The following SLC9C1 variants were observed in gnomAD, a reference collection of about 807,000 sequenced individuals.
The protein encoded by SLC9C1 is solute carrier family 9 member C1, also known as sodium/hydrogen exchanger 10.
A neutral mutation model predicts 140.9 loss-of-function variants in SLC9C1; 97 were observed. That is an observed-to-expected ratio of 0.69 (90% confidence interval 0.58 to 0.82). SLC9C1 has a LOEUF of 0.82. Ranked by LOEUF, SLC9C1 falls within the 40% of genes least tolerant of loss-of-function variation. The pLI, the probability that SLC9C1 is intolerant of heterozygous loss-of-function variation, is 0.00. For missense variants in SLC9C1, 1,340 were observed against 1,389.3 expected, an observed-to-expected ratio of 0.96 and a Z score of 0.56; for synonymous variants, 440 against 442.6, an observed-to-expected ratio of 0.99 and a Z score of 0.07.
chr3:112,151,329 T>A, intron 28 of SLC9C1: 1 of 518,964 alleles, frequency 1.9e-6, no homozygotes, highest in Non-Finnish European at 3.8e-6. Flanking sequence ...TGCTTTCTTT[T>A]ATCCTCTCTT....
chr3:112,166,613 T>G (rs1236741348), intron 26 of SLC9C1, among the ~76,000 whole-genome samples: 1 of 152,174 alleles, frequency 6.6e-6, no homozygotes, highest in Non-Finnish European at 1.5e-5. Flanking sequence ...TAAAATTGAT[T>G]TCTATATTTC....
intron 23 of SLC9C1, among the ~76,000 whole-genome samples, chr3:112,171,809 G>A (rs1047126407): frequency 2.6e-5 from 4 of 152,256 alleles, no homozygotes; most frequent in East Asian, 1.9e-4. Context: ...GGGGATCAAG[G>A]TTCATTGCTT....
intron 20 of SLC9C1, among the ~76,000 whole-genome samples, chr3:112,190,928 A>ACACAC (rs2077645320): frequency 7.2e-6 from 1 of 138,794 alleles, no homozygotes; most frequent in Admixed American, 7.1e-5. Flanking sequence ...ACTTTTTTTA[A>ACACAC]ACACACACAC....
intron 8 of SLC9C1, among the ~76,000 whole-genome samples, chr3:112,265,296 G>C (rs1553702525): frequency 6.6e-6 from 1 of 152,006 alleles, no homozygotes; most frequent in Non-Finnish European, 1.5e-5. Context: ...GGAGCAAGAA[G>C]GGGAGGAAAA....
chr3:112,211,834 T>C (rs1449919951), intron 15 of SLC9C1, among the ~76,000 whole-genome samples: 2 of 152,224 alleles, frequency 1.3e-5, no homozygotes, highest in Non-Finnish European at 2.9e-5. Context: ...TAAATGTCCC[T>C]GCCTGACAGC....
chr3:112,204,132 C>T (rs1221493488), intron 17 of SLC9C1, 86 bp downstream of exon 17: 5 of 1,292,214 alleles, frequency 3.9e-6, no homozygotes, highest in South Asian at 4.3e-5. Flanking sequence ...AATATGTTAA[C>T]CATAAAACTA....
chr3:112,240,826 G>A (rs1169309368), intron 11 of SLC9C1, among the ~76,000 whole-genome samples: 1 of 152,170 alleles, frequency 6.6e-6, no homozygotes, highest in Admixed American at 6.5e-5. Flanking sequence ...TTTAGCACCT[G>A]TTGTGTTTTC....
rs867296641 is a variant in SLC9C1, at chr3:112,208,285, G to A, written c.1879C>T (p.Pro627Ser). The stretch of plus-strand genomic sequence containing the variant: ...TGGGATATCCAAGAGATTATAAAGG[G>A]AAATATATTCATTAATATCACAAGG... ...GYLVILMNIF[P>S]FIISWISQLN... Residue 627 changes from proline to serine, a missense_variant, in exon 16 of 29, where the codon CCC (proline) becomes TCC (serine). Pro to Ser is a moderately conservative substitution (Grantham distance 74). Coordinates refer to ENST00000305815, the MANE Select transcript of SLC9C1 (RefSeq NM_183061.3). 6 of 1,609,948 alleles carry A rather than the reference G, an allele frequency of 3.7e-6. No homozygotes were observed. The highest frequency in any genetic ancestry group is 3.3e-5 in the Admixed American group (2 of 59,792).
intron 6 of SLC9C1, among the ~76,000 whole-genome samples, chr3:112,272,243 T>C (rs2080098300): frequency 6.6e-6 from 1 of 152,214 alleles, no homozygotes; most frequent in African/African-American, 2.4e-5. Context: ...AGTTTGAAAG[T>C]TGCTTTTTCC....
intron 2 of SLC9C1, among the ~76,000 whole-genome samples, chr3:112,286,246 A>G (rs1278063563): frequency 6.6e-6 from 1 of 152,030 alleles, no homozygotes; most frequent in Non-Finnish European, 1.5e-5. Flanking sequence ...CTTCCATTTC[A>G]TTTTTTTCTG....
intron 15 of SLC9C1, among the ~76,000 whole-genome samples, chr3:112,214,212 T>G (rs1329896440): frequency 2.6e-5 from 4 of 152,146 alleles, no homozygotes; most frequent in Non-Finnish European, 5.9e-5. Context: ...TAAAGCAGTG[T>G]GTAGAGGGAA....
intron 12 of SLC9C1, among the ~76,000 whole-genome samples, chr3:112,236,920 G>A (rs1184202977): frequency 6.6e-6 from 1 of 152,348 alleles, no homozygotes; most frequent in South Asian, 2.1e-4. Context: ...GCAGTGTGGT[G>A]CTGAGAAGAA....
At chr3:112,185,528 A>G (rs2077517846) in intron 20 of SLC9C1, 1 of 1,612,810 alleles carries the variant, frequency 6.2e-7, no homozygotes, top group African/African-American at 1.3e-5. Context: ...AGACTTGCAC[A>G]GGGGCCCCGT....
intron 23 of SLC9C1, among the ~76,000 whole-genome samples, chr3:112,172,030 G>A (rs979909980): frequency 1.3e-5 from 2 of 152,056 alleles, no homozygotes; most frequent in African/African-American, 4.8e-5. Context: ...TTTAAATCAG[G>A]TAGTGTAAAT....
intron 10 of SLC9C1, among the ~76,000 whole-genome samples, chr3:112,250,966 G>A (rs1041127543): frequency 1.3e-5 from 2 of 152,098 alleles, no homozygotes; most frequent in African/African-American, 4.8e-5. Context: ...CTATTCACAA[G>A]AGTAAATACA....
intron 11 of SLC9C1, 59 bp from the exon 12 acceptor site, chr3:112,240,065 A>G (rs920242831): frequency 1.6e-5 from 24 of 1,470,170 alleles, no homozygotes; most frequent in Non-Finnish European, 1.9e-5. Context: ...GATATGGGTT[A>G]GAAAGCTTAC....
At chr3:112,211,587 G>A (rs1187803604) in intron 15 of SLC9C1, among the ~76,000 whole-genome samples, 4 of 152,324 alleles carry the variant, frequency 2.6e-5, no homozygotes, top group African/African-American at 4.8e-5. Context: ...AGGGTCCCAC[G>A]CCCACGGAGC....
chr3:112,218,477 A>G (rs576996887), intron 14 of SLC9C1, among the ~76,000 whole-genome samples: 5 of 152,286 alleles, frequency 3.3e-5, no homozygotes, highest in Non-Finnish European at 5.9e-5. Context: ...TACTAACGTA[A>G]TTGAAAAGAA....
At chr3:112,238,973 C>T (rs981748432) in intron 12 of SLC9C1, among the ~76,000 whole-genome samples, 1 of 152,220 alleles carries the variant, frequency 6.6e-6, no homozygotes, top group East Asian at 1.9e-4. Context: ...AAACACTACT[C>T]TCTTCAAAGC....
Sources: allele counts gnomAD v4.1 joint callset (sites outside exome capture counted in the v4.1 genomes callset), GRCh38; gene constraint gnomAD v4.1.1; transcripts MANE v1.5; gene names NCBI Gene and HGNC (gene_info 2026-07-23, HGNC 2026-07-21).